Variants in USP15 observed in about 807,000 individuals in gnomAD.
USP15 encodes the protein ubiquitin specific peptidase 15, also known as ubiquitin carboxyl-terminal hydrolase 15.
In USP15, 18 loss-of-function variants were observed where a neutral mutation model predicts 127.1. The observed-to-expected ratio is 0.14, with a 90% confidence interval of 0.10 to 0.21. USP15 has a LOEUF of 0.21. USP15 is among the 10% of genes least tolerant of loss of function. USP15 has a pLI of 1.00. For synonymous variants in USP15, 364 were observed against 393.7 expected (o/e 0.92, Z 0.89); for missense variants, 805 against 1,159.9 (o/e 0.69, Z 4.44).
chr12:62,269,426 T>C (rs1355468435), intron 1 of USP15, among the ~76,000 whole-genome samples: 1 of 152,020 alleles, frequency 6.6e-6, no homozygotes, highest in African/African-American at 2.4e-5. Context: ...TTATGATCTT[T>C]TTTGTTTTTA....
At chr12:62,359,833 T>A (rs2066258141) in intron 8 of USP15, among the ~76,000 whole-genome samples, 1 of 152,100 alleles carries the variant, frequency 6.6e-6, no homozygotes. Context: ...TTCAAAATTG[T>A]TGAGTTTGGT....
intron 3 of USP15, chr12:62,305,027 A>G: frequency 5.8e-6 from 1 of 172,160 alleles, no homozygotes; most frequent in Admixed American, 6.0e-5. Context: ...AAGCTTAGAG[A>G]GACAAAAGAA....
At chr12:62,369,277 CTT>C (rs1445389067) in intron 8 of USP15, among the ~76,000 whole-genome samples, 1 of 152,124 alleles carries the variant, frequency 6.6e-6, no homozygotes, top group Non-Finnish European at 1.5e-5. Flanking sequence ...TCCATTATAA[CTT>C]ATATGTTCAT....
intron 3 of USP15, 141 bp from the exon 4 acceptor site, chr12:62,314,649 T>A (rs890406883): frequency 7.7e-6 from 6 of 779,792 alleles, no homozygotes; most frequent in Non-Finnish European, 1.1e-5. Flanking sequence ...ATATCTTTTT[T>A]TATATATATT....
rs1469354377 is a variant in USP15, at chr12:62,321,508, G to A, written c.520G>A (p.Glu174Lys). The A allele has an allele frequency of 1.9e-6, 3 of 1,606,676 alleles. No homozygotes were observed. In the East Asian group the frequency reaches 6.7e-5, roughly 36 times the overall value. ...EIRKIFSIPD[E>K]KETRLWNKYM... ...AAGAAAAATCTTCAGTATTCCAGAT[G>A]AAAAGGAGACCAGATTGTGGAACAA... The change falls in exon 5 of 22, where the codon GAA becomes AAA. Residue 174 changes from glutamate to lysine, a missense_variant. Around this residue, in one of 11 missense-constraint regions of USP15, gnomAD observed 57 missense variants for 47.3 expected, o/e 1.20. Transcript: ENST00000280377.
At chr12:62,354,785 C>A (rs763499557) in intron 7 of USP15, among the ~76,000 whole-genome samples, 1 of 151,968 alleles carries the variant, frequency 6.6e-6, no homozygotes, top group East Asian at 1.9e-4. Context: ...CTTTTTTCTG[C>A]ATTTGAATAC....
chr12:62,416,179 G>A lies in USP15; in HGVS notation c.*11804G>A, dbSNP rs936166867. 6.6e-6 allele frequency: 1 copy of A among 152,038 alleles called. No individual in the cohort carries two copies. Among genetic ancestry groups the A allele is most frequent in the African/African-American group, 2.4e-5 (1 of 41,408 alleles). The allele number at this position is 152,038 out of a possible 1,614,324, so 9.4% of individuals were successfully genotyped here. On this transcript the variant is annotated 3_prime_UTR_variant, in exon 22 of 22. Transcript: ENST00000280377. The stretch of plus-strand genomic sequence containing the variant: ...TGGTCTGCCTTATCTCTTACCTGGC[G>A]AACTCCTACACTCCTTCAAGACTTG...
chr12:62,366,613 A>G (rs527419950), intron 8 of USP15, among the ~76,000 whole-genome samples: 1 of 152,336 alleles, frequency 6.6e-6, no homozygotes, highest in Non-Finnish European at 1.5e-5. Context: ...GAGAGAGGGC[A>G]TCCCTGTCTT....
At chr12:62,272,484 C>T (rs1352727303) in intron 1 of USP15, among the ~76,000 whole-genome samples, 2 of 151,974 alleles carry the variant, frequency 1.3e-5, no homozygotes, top group Non-Finnish European at 2.9e-5. Context: ...TTTACTACCT[C>T]TCTGGTTTCC....
At chr12:62,288,894 T>C (rs754696369) in intron 1 of USP15, among the ~76,000 whole-genome samples, 16 of 152,224 alleles carry the variant, frequency 1.1e-4, no homozygotes, top group Admixed American at 2.0e-4. Flanking sequence ...ATTGCATTTA[T>C]TGATTTGCAT....
intron 20 of USP15, among the ~76,000 whole-genome samples, chr12:62,398,185 G>T (rs2067559411): frequency 6.6e-6 from 1 of 151,846 alleles, no homozygotes. Context: ...TAGCAGTGGG[G>T]TTTCACCATG....
intron 14 of USP15, among the ~76,000 whole-genome samples, chr12:62,390,660 A>G (rs967434683): frequency 9.9e-5 from 15 of 152,168 alleles, no homozygotes; most frequent in African/African-American, 2.4e-4. Flanking sequence ...AAAAGGTAAC[A>G]TATTAATTAT....
chr12:62,387,684 A>G (rs551717308), intron 11 of USP15, among the ~76,000 whole-genome samples: 3 of 152,166 alleles, frequency 2.0e-5, no homozygotes, highest in Non-Finnish European at 2.9e-5. Flanking sequence ...TGAGAAGTAA[A>G]TGGGAGATAA....
intron 11 of USP15, among the ~76,000 whole-genome samples, chr12:62,386,283 G>A (rs1469284812): frequency 6.6e-6 from 1 of 151,430 alleles, no homozygotes; most frequent in Non-Finnish European, 1.5e-5. Context: ...GAAATTAGCT[G>A]AGTTTCCCTA....
intron 20 of USP15, among the ~76,000 whole-genome samples, chr12:62,400,112 A>G (rs1344817749): frequency 6.6e-6 from 1 of 152,202 alleles, no homozygotes; most frequent in African/African-American, 2.4e-5. Context: ...ATGACCACAT[A>G]TAATTATTTT....
chr12:62,294,630 CTCAT>C (rs2064074001), intron 2 of USP15: 1 of 172,326 alleles, frequency 5.8e-6, no homozygotes, highest in Non-Finnish European at 1.2e-5. Flanking sequence ...AATAATAAGA[CTCAT>C]TATTTGTTAT....
chr12:62,290,905 GT>G (rs999801511), intron 1 of USP15, among the ~76,000 whole-genome samples: 7 of 149,290 alleles, frequency 4.7e-5, no homozygotes, highest in East Asian at 2.0e-4. Context: ...CAGGTTGACA[GT>G]TTTTTTTTTC....
rs2359688 is a variant in USP15 at position 62,391,557 on chromosome 12, A to T, written c.2233+128A>T. 1.4e-3 allele frequency: 1,716 copies of T among 1,219,586 alleles called. 19 individuals carry two copies. In the African/African-American group the frequency reaches 0.023, roughly 16 times the overall value. The allele number at this position is 1,219,586 out of a possible 1,614,324, so 75.5% of individuals were successfully genotyped here. The stretch of plus-strand genomic sequence containing the variant: ...TTTACTTTTCTATCTCAAATTTTAC[A>T]TGAAAGGACTTAATATCTAAGTAGA... On this transcript the variant is annotated intron_variant, in intron 16 of 21. Transcript: ENST00000280377.
chr12:62,351,957 C>A (rs992486216), intron 7 of USP15, among the ~76,000 whole-genome samples: 3 of 151,026 alleles, frequency 2.0e-5, no homozygotes, highest in South Asian at 2.1e-4. Context: ...CAATTTATTT[C>A]TTGAATTTCC....
Sources: allele counts gnomAD v4.1 joint callset (sites outside exome capture counted in the v4.1 genomes callset), GRCh38; gene constraint gnomAD v4.1.1; regional missense constraint gnomAD v4.1.1; transcripts MANE v1.5; gene names NCBI Gene and HGNC (gene_info 2026-07-23, HGNC 2026-07-21).